The following SEMA3C variants were observed in gnomAD, a reference collection of about 807,000 sequenced individuals.
SEMA3C encodes semaphorin-3C.
In SEMA3C, 47 loss-of-function variants were observed where a neutral mutation model predicts 89.4. The observed-to-expected ratio is 0.53, with a 90% CI of 0.42 to 0.67. The LOEUF is 0.67. Ranked by LOEUF, SEMA3C falls within the 30% of genes least tolerant of loss-of-function variation. SEMA3C has a pLI of 0.00. For synonymous variants in SEMA3C, 310 were observed against 320.2 expected, an observed-to-expected ratio of 0.97 and a Z score of 0.34; for missense variants, 839 against 929.1, an observed-to-expected ratio of 0.90 and a Z score of 1.26.
At chr7:80,764,999 A>G (rs1788264391) in intron 13 of SEMA3C, among the ~76,000 whole-genome samples, 156 bp downstream of exon 13, 1 of 152,204 alleles carries the variant, frequency 6.6e-6, no homozygotes, top group African/African-American at 2.4e-5. Context: ...TTTGTTCTGT[A>G]TTTCTTATTT....
intron 5 of SEMA3C, among the ~76,000 whole-genome samples, chr7:80,813,323 A>T (rs1457196835): frequency 6.6e-6 from 1 of 152,162 alleles, no homozygotes; most frequent in East Asian, 1.9e-4. Context: ...CACCAACCAC[A>T]AGTGGATCCC....
intron 2 of SEMA3C, among the ~76,000 whole-genome samples, chr7:80,859,578 G>A (rs990666755): frequency 6.6e-6 from 1 of 152,084 alleles, no homozygotes; most frequent in Non-Finnish European, 1.5e-5. Context: ...TCCATATGTT[G>A]AAAACAAAAA....
chr7:80,778,500 A>T (rs1272996959), intron 12 of SEMA3C, among the ~76,000 whole-genome samples: 1 of 152,178 alleles, frequency 6.6e-6, no homozygotes, highest in East Asian at 1.9e-4. Flanking sequence ...TTTTATCATA[A>T]GATAGGTTCT....
At chr7:80,919,385 A>G (rs1486326361), upstream of SEMA3C, 1 of 985,214 alleles carries the variant, frequency 1.0e-6, no homozygotes, top group Non-Finnish European at 1.2e-6. Context: ...GGTGCGCTCC[A>G]CGGTTTTTGT....
At chr7:80,821,381 G>C (rs1789742352) in intron 4 of SEMA3C, among the ~76,000 whole-genome samples, 1 of 152,148 alleles carries the variant, frequency 6.6e-6, no homozygotes. Flanking sequence ...ACTTTTAGCT[G>C]CTTTATAATT....
chr7:80,913,902 C>G (rs1169959886), intron 2 of SEMA3C, among the ~76,000 whole-genome samples: 2 of 152,136 alleles, frequency 1.3e-5, no homozygotes, highest in Admixed American at 1.3e-4. Context: ...CTCTACACAC[C>G]TTGAAATTGC....
intron 2 of SEMA3C, among the ~76,000 whole-genome samples, chr7:80,898,254 T>G (rs1300888058): frequency 6.6e-6 from 1 of 152,048 alleles, no homozygotes; most frequent in Non-Finnish European, 1.5e-5. Context: ...TAGTCCCAGC[T>G]ACTCGGGAGG....
intron 12 of SEMA3C, among the ~76,000 whole-genome samples, chr7:80,778,422 G>A (rs956830500): frequency 2.6e-5 from 4 of 152,110 alleles, no homozygotes; most frequent in African/African-American, 9.7e-5. Flanking sequence ...TTTACTGTTT[G>A]GGGAGAAGAA....
intron 11 of SEMA3C, among the ~76,000 whole-genome samples, chr7:80,790,024 C>T (rs1049169510): frequency 1.9e-4 from 29 of 152,070 alleles, no homozygotes; most frequent in African/African-American, 6.0e-4. Flanking sequence ...GTGGCTCAGG[C>T]CTGTAATCCT....
At chr7:80,786,442 C>T (rs1190416875) in intron 12 of SEMA3C, among the ~76,000 whole-genome samples, 1 of 150,334 alleles carries the variant, frequency 6.7e-6, no homozygotes, top group Non-Finnish European at 1.5e-5. Context: ...CAAAGTCCAC[C>T]TTTAAGACAG....
At chr7:80,884,383 C>G (rs1424024350) in intron 2 of SEMA3C, among the ~76,000 whole-genome samples, 2 of 152,234 alleles carry the variant, frequency 1.3e-5, no homozygotes, top group Non-Finnish European at 1.5e-5. Flanking sequence ...CTCTTCCTAA[C>G]CGCTACAAAA....
At chr7:80,861,669 T>C (rs1199163819) in intron 2 of SEMA3C, among the ~76,000 whole-genome samples, 1 of 152,190 alleles carries the variant, frequency 6.6e-6, no homozygotes, top group Non-Finnish European at 1.5e-5. Flanking sequence ...ACATTTGTTA[T>C]TTCAAAGAAT....
intron 2 of SEMA3C, among the ~76,000 whole-genome samples, chr7:80,855,099 C>A (rs148959947): frequency 1.3e-5 from 2 of 152,124 alleles, no homozygotes; most frequent in East Asian, 3.9e-4. Context: ...TCCATGATTA[C>A]GGATCATCTC....
intron 2 of SEMA3C, among the ~76,000 whole-genome samples, chr7:80,858,317 G>A (rs1039591812): frequency 6.6e-6 from 1 of 152,126 alleles, no homozygotes; most frequent in African/African-American, 2.4e-5. Context: ...GAGAAGCACT[G>A]ATATACATCA....
chr7:80,774,069 A>G (rs1325931703), intron 12 of SEMA3C, among the ~76,000 whole-genome samples: 1 of 152,170 alleles, frequency 6.6e-6, no homozygotes, highest in Non-Finnish European at 1.5e-5. Context: ...AAAACCCATA[A>G]CCTAATCTGA....
chr7:80,793,203 A>G (rs960384925), intron 11 of SEMA3C, among the ~76,000 whole-genome samples: 1 of 152,208 alleles, frequency 6.6e-6, no homozygotes, highest in Admixed American at 6.5e-5. Context: ...TCTGATTACT[A>G]AAGTGTGATA....
intron 5 of SEMA3C, among the ~76,000 whole-genome samples, chr7:80,812,672 T>G (rs1789495942): frequency 6.6e-6 from 1 of 152,156 alleles, no homozygotes; most frequent in Admixed American, 6.6e-5. Context: ...AATAACTATC[T>G]CAAGCACCCT....
chr7:80,806,674 A>T (rs911209562), intron 6 of SEMA3C, among the ~76,000 whole-genome samples: 8 of 152,176 alleles, frequency 5.3e-5, no homozygotes, highest in African/African-American at 1.7e-4. Context: ...TGAATTGGTA[A>T]CAAACGTGAC....
At chr7:80,765,817 T>A (rs1788288343) in intron 12 of SEMA3C, among the ~76,000 whole-genome samples, 1 of 152,166 alleles carries the variant, frequency 6.6e-6, no homozygotes, top group Non-Finnish European at 1.5e-5. Flanking sequence ...GATCTCATGA[T>A]GCGCCCACCT....
Sources: gnomAD v4.1 joint callset for allele counts (sites outside exome capture counted in the v4.1 genomes callset) on GRCh38, gnomAD v4.1.1 for gene constraint, MANE v1.5 for transcripts, NCBI Gene and HGNC (gene_info 2026-07-23, HGNC 2026-07-21) for gene names.